Variants in RBM24 observed in about 807,000 individuals in gnomAD.
The protein encoded by RBM24 is RNA-binding protein 24.
A neutral mutation model predicts 23.6 loss-of-function variants in RBM24; 5 were observed. That is an observed-to-expected ratio of 0.21 (90% CI 0.11 to 0.45). RBM24 has a LOEUF of 0.45. Among genes scored for constraint, RBM24 ranks in the 20% least tolerant of loss-of-function variants. RBM24 has a pLI of 0.99. For synonymous variants in RBM24, 151 were observed against 129.5 expected, an observed-to-expected ratio of 1.17 and a Z score of -1.13; for missense variants, 252 against 314.6, an observed-to-expected ratio of 0.80 and a Z score of 1.51.
intron 2 of RBM24, among the ~76,000 whole-genome samples, chr6:17,284,202 AC>A (rs1452528695): frequency 2.0e-5 from 3 of 152,168 alleles, no homozygotes; most frequent in Non-Finnish European, 4.4e-5. Flanking sequence ...CAGAAAAAAA[AC>A]ATTTTTTTTT....
chr6:17,287,685 C>T (rs1184590769), intron 3 of RBM24, among the ~76,000 whole-genome samples: 1 of 152,002 alleles, frequency 6.6e-6, no homozygotes, highest in African/African-American at 2.4e-5. Context: ...TGGTGGGCGC[C>T]TGTAGTCCAG....
chr6:17,283,362 C>G (rs1262884737), intron 2 of RBM24, among the ~76,000 whole-genome samples: 2 of 152,172 alleles, frequency 1.3e-5, no homozygotes, highest in African/African-American at 4.8e-5. Flanking sequence ...GGCAGTCTGA[C>G]TTGAACACAG....
intron 3 of RBM24, chr6:17,289,091 GTCT>G: frequency 1.0e-6 from 1 of 985,474 alleles, no homozygotes; most frequent in Non-Finnish European, 1.2e-6. Context: ...TACCAAAAGT[GTCT>G]TCTTTGCACT....
intron 3 of RBM24, chr6:17,288,386 G>C: frequency 3.0e-6 from 3 of 985,422 alleles, no homozygotes; most frequent in Non-Finnish European, 3.6e-6. Flanking sequence ...AGGTTTTAAA[G>C]AATGGTGGAG....
chr6:17,285,734 T>C (rs1760175225), intron 3 of RBM24, among the ~76,000 whole-genome samples: 1 of 152,166 alleles, frequency 6.6e-6, no homozygotes, highest in South Asian at 2.1e-4. Context: ...TGTTCATATT[T>C]ATGTTGTCTT....
At chr6:17,282,125 T>G in intron 1 of RBM24, 1 of 1,215,510 alleles carries the variant, frequency 8.2e-7, no homozygotes, top group East Asian at 5.6e-5. Context: ...TAAAAATGCG[T>G]GTGTTCTGGT....
At chr6:17,288,624 A>G in intron 3 of RBM24, 1 of 985,420 alleles carries the variant, frequency 1.0e-6, no homozygotes, top group African/African-American at 1.7e-5. Context: ...TGCTAGAGCT[A>G]GGGTGAGTGG....
At chr6:17,288,377 G>C in intron 3 of RBM24, 2 of 985,372 alleles carry the variant, frequency 2.0e-6, no homozygotes, top group Non-Finnish European at 2.4e-6. Flanking sequence ...AGTTGACCTA[G>C]GTTTTAAAGA....
rs1052687348 is a variant in RBM24 at position 17,290,212 on chromosome 6, A to G, written c.348-1544A>G. The G allele has an allele frequency of 4.6e-5, 32 of 700,922 alleles. No individual in the cohort carries two copies. The Admixed American group carries it at 8.3e-4, about 18-fold the overall frequency. 43.4% of individuals were successfully genotyped at this position (700,922 alleles called of 1,614,324 possible). ...CAAAATCTATGTTTCTGAAAAATCT[A>G]CAAGTGCTGTTTTCTGTTTTGAGTT... On this transcript the variant is annotated intron_variant, in intron 3 of 3. Transcript: ENST00000379052.
At position 17,284,709 on chromosome 6, in the gene RBM24, C is replaced by A. The variant is rs138850194; in HGVS notation, c.345C>A (p.Phe115Leu). Residue 115 changes from phenylalanine (F) to leucine (L), a missense_variant and splice_region_variant, in exon 3 of 4, where the codon TTC (phenylalanine) becomes TTA (leucine). Physicochemically the swap from Phe to Leu is conservative, Grantham distance 22 (BLOSUM62 0). Transcript: ENST00000379052. Reference sequence around the variant, plus strand: ...ATCCAGCCCTTATACAAAGACCTTTCGGGTAAGTTGATTAATCAGGCTTTC... The same window carrying A: ...ATCCAGCCCTTATACAAAGACCTTTAGGGTAAGTTGATTAATCAGGCTTTC... The part of the protein sequence containing the change: ...QLHPALIQRP[F>L]GIPAHYVYPQ... The A allele has an allele frequency of 1.7e-5, 28 of 1,609,442 alleles. No individual in the cohort carries two copies. The highest frequency in any genetic ancestry group is 2.1e-5 in the Non-Finnish European group (25 of 1,177,956).
At position 17,281,873 on chromosome 6, in the gene RBM24, CCCTT is replaced by C; in HGVS notation, c.168+126_168+129del. 7.2e-7 allele frequency: 1 copy of C among 1,379,568 alleles called. No homozygotes were observed. Among genetic ancestry groups the C allele is most frequent in the Non-Finnish European group, 9.9e-7 (1 of 1,012,412 alleles). 85.5% of individuals were successfully genotyped at this position (1,379,568 alleles called of 1,614,324 possible). Reference sequence around the variant, plus strand: ...AGCCCCGCGGGTAGAGCGGCGCTGCCCCTTCGCTCCGGGGTGAACTGAAACTTTG... The same window carrying C: ...AGCCCCGCGGGTAGAGCGGCGCTGCCCGCTCCGGGGTGAACTGAAACTTTG... On this transcript the variant is annotated intron_variant, in intron 1 of 3. Coordinates refer to ENST00000379052, the MANE Select transcript of RBM24 (RefSeq NM_001143942.2). This position sits in a 1 kb window ranked among gnomAD's most constrained non-coding sequence, Gnocchi z 7.1.
chr6:17,284,218 A>G (rs1229953635), intron 2 of RBM24, among the ~76,000 whole-genome samples: 1 of 152,130 alleles, frequency 6.6e-6, no homozygotes, highest in Non-Finnish European at 1.5e-5. Flanking sequence ...TTTTTTGTGA[A>G]TTTTTAATAC....
intron 2 of RBM24, among the ~76,000 whole-genome samples, chr6:17,283,504 G>A (rs1484093541): frequency 2.0e-5 from 3 of 152,062 alleles, no homozygotes; most frequent in Non-Finnish European, 2.9e-5. Flanking sequence ...TGCAACCTCC[G>A]CCTCCTGGGT....
chr6:17,285,109 A>G (rs1341744840), intron 3 of RBM24: 1 of 156,516 alleles, frequency 6.4e-6, no homozygotes, highest in East Asian at 1.9e-4. Context: ...GAGGTGGAAT[A>G]GTTCTGTTTG....
intron 3 of RBM24, chr6:17,289,941 G>A: frequency 7.8e-7 from 1 of 1,283,780 alleles, no homozygotes; most frequent in South Asian, 1.2e-5. Flanking sequence ...CTGACCTGCA[G>A]CAAAGTTCTG....
rs371735746 is a variant in RBM24, at chr6:17,284,729, G to A, written c.347+18G>A. 6.2e-7 allele frequency: 1 copy of A among 1,600,024 alleles called. No homozygotes were observed. The highest frequency in any genetic ancestry group is 8.5e-7 in the Non-Finnish European group (1 of 1,170,078). On this transcript the variant is annotated intron_variant, in intron 3 of 3. Coordinates refer to ENST00000379052, the MANE Select transcript of RBM24 (RefSeq NM_001143942.2). Reference sequence around the variant, plus strand: ...CCTTTCGGGTAAGTTGATTAATCAGGCTTTCTTAAGTTTCAGTATGACTAT... The same window carrying A: ...CCTTTCGGGTAAGTTGATTAATCAGACTTTCTTAAGTTTCAGTATGACTAT...
chr6:17,292,542 A>G lies in RBM24; in HGVS notation c.*423A>G, dbSNP rs1760402970. The G allele has an allele frequency of 6.5e-6, 1 of 153,784 alleles. No individual in the cohort carries two copies. The highest frequency in any genetic ancestry group is 6.5e-5 in the Admixed American group (1 of 15,352). The allele number at this position is 153,784 out of a possible 1,614,324, so 9.5% of individuals were successfully genotyped here. A position where few individuals can be genotyped will look rare whatever the true frequency, so the allele number is the denominator to read the frequency against. On this transcript the variant is annotated 3_prime_UTR_variant, in exon 4 of 4. Coordinates refer to ENST00000379052, the MANE Select transcript of RBM24 (RefSeq NM_001143942.2). ...GCAATATGTAGCTTGAATTACATTT[A>G]AAAGCAGATTTTTTACAAACAAAAT...
chr6:17,282,160 C>T (rs1478225719), intron 1 of RBM24: 4 of 1,247,274 alleles, frequency 3.2e-6, no homozygotes, highest in Non-Finnish European at 3.1e-6. Context: ...AGGGAGGGGA[C>T]ACCCCACGAG....
At chr6:17,282,280 GCTTC>G (rs1446335128) in intron 1 of RBM24, 1 of 1,278,748 alleles carries the variant, frequency 7.8e-7, no homozygotes, top group East Asian at 5.5e-5. Flanking sequence ...AGCATATTAA[GCTTC>G]CTTCCTAGAG....
Sources: allele counts gnomAD v4.1 joint callset (sites outside exome capture counted in the v4.1 genomes callset), GRCh38; gene constraint gnomAD v4.1.1; non-coding constraint Gnocchi (gnomAD v3.1); transcripts MANE v1.5; gene names NCBI Gene and HGNC (gene_info 2026-07-23, HGNC 2026-07-21).